The following LY96 variants were observed in gnomAD, a reference collection of about 807,000 sequenced individuals.
The protein encoded by LY96 is myeloid differentiation protein-2.
In LY96, 18 loss-of-function variants were observed where a neutral mutation model predicts 18.9. That is an observed-to-expected ratio of 0.95 (90% confidence interval 0.66 to 1.41). The LOEUF (loss-of-function observed/expected upper bound fraction) is 1.41. Ranked by LOEUF, LY96 falls within the 40% of genes most tolerant of loss-of-function variation. The pLI is 0.00. For missense variants in LY96, 175 were observed against 182.4 expected (o/e 0.96, Z 0.23); for synonymous variants, 66 against 62.6 (o/e 1.06, Z -0.26).
At chr8:74,099,582 C>T in the LY96 span, 1 of 152,230 alleles carries the variant, frequency 6.6e-6, no homozygotes. Context: ...TATGCTAACA[C>T]TGCCATTTTT....
chr8:74,085,968 C>T, the LY96 span, among the ~76,000 whole-genome samples: 5 of 152,068 alleles, frequency 3.3e-5, no homozygotes, highest in South Asian at 2.1e-4. Flanking sequence ...AGTCACCCTG[C>T]GGTAAATTAG....
At chr8:74,093,275 T>A in the LY96 span, among the ~76,000 whole-genome samples, 1 of 152,342 alleles carries the variant, frequency 6.6e-6, no homozygotes, top group Admixed American at 6.5e-5. Flanking sequence ...ACTGTTCATG[T>A]CATATTTGTG....
chr8:74,056,349 C>T, the LY96 span: 262 of 345,612 alleles, frequency 7.6e-4, 1 homozygote, highest in African/African-American at 5.3e-3. Flanking sequence ...CTGACAAATC[C>T]GGAAGAAGAT....
At chr8:74,027,040 A>G (rs988996264) in intron 4 of LY96, among the ~76,000 whole-genome samples, 199 bp downstream of exon 4, 1 of 151,312 alleles carries the variant, frequency 6.6e-6, no homozygotes, top group African/African-American at 2.4e-5. Flanking sequence ...CCCCACCCCA[A>G]GCAATCCTCC....
the LY96 span, among the ~76,000 whole-genome samples, chr8:74,060,638 G>T: frequency 2.6e-5 from 4 of 152,164 alleles, no homozygotes; most frequent in Non-Finnish European, 5.9e-5. Flanking sequence ...CTTGACCCTT[G>T]CGTACTGCAC....
At chr8:73,992,035 T>G (rs1316799502) in intron 1 of LY96, among the ~76,000 whole-genome samples, 1 of 152,222 alleles carries the variant, frequency 6.6e-6, no homozygotes, top group East Asian at 1.9e-4. Flanking sequence ...CTGTGTGACC[T>G]TAAGCAAAGT....
At chr8:74,076,514 GGGGT>G in the LY96 span, among the ~76,000 whole-genome samples, 1 of 151,746 alleles carries the variant, frequency 6.6e-6, no homozygotes, top group Non-Finnish European at 1.5e-5. Context: ...TAGTAGAGAC[GGGGT>G]TTCACCACGT....
At chr8:74,046,590 G>A in the LY96 span, among the ~76,000 whole-genome samples, 40,622 of 151,738 alleles carry the variant, frequency 0.27, 6,592 homozygotes, top group African/African-American at 0.46. Context: ...AAAAAACCCC[G>A]GACAGGATAT....
the LY96 span, among the ~76,000 whole-genome samples, chr8:74,074,349 T>C: frequency 6.6e-6 from 1 of 152,224 alleles, no homozygotes; most frequent in African/African-American, 2.4e-5. Flanking sequence ...CACTGAAATT[T>C]GAATTTTTAA....
chr8:74,075,579 C>T, the LY96 span, among the ~76,000 whole-genome samples: 10,241 of 152,198 alleles, frequency 0.067, 938 homozygotes, highest in African/African-American at 0.2. Flanking sequence ...CTTATTGTGG[C>T]TTATTTTGGT....
At chr8:73,998,566 C>G (rs558259866) in intron 1 of LY96, among the ~76,000 whole-genome samples, 50 of 152,022 alleles carry the variant, frequency 3.3e-4, no homozygotes, top group Non-Finnish European at 6.6e-4. Context: ...ACCTGTAGTA[C>G]TAGCGACTCA....
the LY96 span, among the ~76,000 whole-genome samples, chr8:74,069,959 T>C: frequency 6.6e-6 from 1 of 152,016 alleles, no homozygotes; most frequent in Admixed American, 6.6e-5. Flanking sequence ...AAATAATGAG[T>C]TTTAATTAAT....
chr8:74,055,531 G>A, the LY96 span, among the ~76,000 whole-genome samples: 20 of 152,062 alleles, frequency 1.3e-4, no homozygotes, highest in Admixed American at 1.3e-3. Context: ...ACACAAACAC[G>A]AGACACACTA....
chr8:74,038,373 CCTT>C, the LY96 span, among the ~76,000 whole-genome samples: 3,506 of 152,158 alleles, frequency 0.023, 120 homozygotes, highest in African/African-American at 0.078. Flanking sequence ...TGGTAACCAT[CCTT>C]CTACTCTCTA....
the LY96 span, among the ~76,000 whole-genome samples, chr8:74,055,203 C>T: frequency 2.0e-5 from 3 of 152,288 alleles, no homozygotes; most frequent in African/African-American, 4.8e-5. Flanking sequence ...CCACCATACT[C>T]GGCCATCATG....
At chr8:74,068,676 T>A in the LY96 span, among the ~76,000 whole-genome samples, 1 of 152,224 alleles carries the variant, frequency 6.6e-6, no homozygotes. Flanking sequence ...TGGTTTCAAT[T>A]TGCAATGATG....
chr8:74,006,727 T>C (rs1015336945), intron 2 of LY96, among the ~76,000 whole-genome samples: 1 of 152,182 alleles, frequency 6.6e-6, no homozygotes, highest in Admixed American at 6.5e-5. Flanking sequence ...TTCTGTTTTC[T>C]GGTCTGTTGG....
At chr8:74,093,323 G>A in the LY96 span, among the ~76,000 whole-genome samples, 1 of 152,190 alleles carries the variant, frequency 6.6e-6, no homozygotes, top group African/African-American at 2.4e-5. Flanking sequence ...TCCTTTAGGA[G>A]GGGACCAGTC....
At chr8:73,997,286 C>T (rs1435250474) in intron 1 of LY96, among the ~76,000 whole-genome samples, 8 of 152,186 alleles carry the variant, frequency 5.3e-5, no homozygotes, top group African/African-American at 1.9e-4. Flanking sequence ...TTCCTGTTTT[C>T]ATGATCTCCA....
Sources: gnomAD v4.1 joint callset for allele counts (sites outside exome capture counted in the v4.1 genomes callset) on GRCh38, gnomAD v4.1.1 for gene constraint, MANE v1.5 for transcripts, NCBI Gene and HGNC (gene_info 2026-07-23, HGNC 2026-07-21) for gene names.